Variants in MITD1 observed in about 807,000 individuals in gnomAD.
MITD1 encodes MIT domain-containing protein 1.
MITD1 carries 24 observed loss-of-function variants against 34.9 expected under a neutral mutation model. The ratio of observed to expected loss-of-function variants is 0.69; its 90% CI spans 0.50 to 0.97. The LOEUF (loss-of-function observed/expected upper bound fraction) is 0.97, where lower values mean the gene tolerates loss of function less well. Ranked by LOEUF, MITD1 falls within the 50% of genes least tolerant of loss-of-function variation. The pLI, the probability that MITD1 is intolerant of heterozygous loss-of-function variation, is 0.00. For missense variants in MITD1, 266 were observed against 294.6 expected, an observed-to-expected ratio of 0.90 and a Z score of 0.71; for synonymous variants, 102 against 101.4, an observed-to-expected ratio of 1.01 and a Z score of -0.04.
chr2:99,173,297 C>T, intron 2 of MITD1: 1 of 317,890 alleles, frequency 3.1e-6, no homozygotes, highest in Non-Finnish European at 6.7e-6. Context: ...GCAGCAGTAC[C>T]TTTGGCTATA....
At chr2:99,164,317 C>T (rs1366413042), downstream of MITD1, among the ~76,000 whole-genome samples, 2 of 151,908 alleles carry the variant, frequency 1.3e-5, no homozygotes, top group Non-Finnish European at 2.9e-5. Flanking sequence ...CCCCTCCTCC[C>T]CTCTCCACTC....
At chr2:99,174,826 A>C (rs1204306899) in intron 1 of MITD1, among the ~76,000 whole-genome samples, 1 of 151,928 alleles carries the variant, frequency 6.6e-6, no homozygotes, top group African/African-American at 2.4e-5. Context: ...CCTGACCTCA[A>C]GTGATCCTCC....
downstream of MITD1, among the ~76,000 whole-genome samples, chr2:99,166,858 A>AATATATATATATATATATATATATAT: frequency 8.7e-6 from 1 of 115,402 alleles, no homozygotes; most frequent in Non-Finnish European, 1.8e-5. Flanking sequence ...TGGGGTTTTA[A>AATATATATATATATATATATATATAT]ATATATATAT....
intron 3 of MITD1, 36 bp downstream of exon 3, chr2:99,171,474 T>TATA: frequency 6.3e-7 from 1 of 1,595,982 alleles, no homozygotes; most frequent in Non-Finnish European, 8.6e-7. Flanking sequence ...GTACATTGAA[T>TATA]ATGATATTTC....
intron 2 of MITD1, chr2:99,173,553 A>G (rs1261934630): frequency 4.3e-6 from 2 of 464,480 alleles, no homozygotes; most frequent in East Asian, 1.3e-4. Flanking sequence ...AAAATACACA[A>G]TTTACATTCA....
intron 1 of MITD1, among the ~76,000 whole-genome samples, chr2:99,179,106 G>C (rs2093901455): frequency 6.6e-6 from 1 of 152,108 alleles, no homozygotes. Context: ...CCCTGTATTA[G>C]CGCTATTTGC....
chr2:99,177,978 C>T (rs906964142), intron 1 of MITD1, among the ~76,000 whole-genome samples: 5 of 152,172 alleles, frequency 3.3e-5, no homozygotes, highest in African/African-American at 9.7e-5. Flanking sequence ...GCTTATTTCA[C>T]TTAACAATTT....
chr2:99,163,012 G>C (rs2093809352), intron 7 of MITD1: 1 of 1,607,638 alleles, frequency 6.2e-7, no homozygotes, highest in African/African-American at 1.3e-5. Flanking sequence ...CTTAGAACAT[G>C]TCCACAAGAC....
Position 99,162,492 on chromosome 2 carries a change from A to G in MITD1, c.*4-274T>C, listed in dbSNP as rs786205156. 1.2e-6 allele frequency: 2 copies of G among 1,614,106 alleles called. No individual in the cohort carries two copies. Among genetic ancestry groups the G allele is most frequent in the South Asian group, 1.1e-5 (1 of 91,086 alleles). ...CCGGACTACTGCCTATCACCATTGC[A>G]CTTTATTATGTAGTACTGATGGGAC... is the stretch of plus-strand genomic sequence containing the variant. On this transcript the variant is annotated intron_variant, in intron 7 of 7. Transcript: ENST00000422537.
At chr2:99,164,941 C>G (rs1559173811), downstream of MITD1, among the ~76,000 whole-genome samples, 1 of 151,524 alleles carries the variant, frequency 6.6e-6, no homozygotes, top group Non-Finnish European at 1.5e-5. Context: ...CATATGGACT[C>G]AAGGTATGTT....
At chr2:99,166,858 A>AATATATATATATATATAT (rs10584187), downstream of MITD1, among the ~76,000 whole-genome samples, 226 of 115,326 alleles carry the variant, frequency 2.0e-3, 4 homozygotes, top group Non-Finnish European at 3.0e-3. Flanking sequence ...TGGGGTTTTA[A>AATATATATATATATATAT]ATATATATAT....
At chr2:99,177,461 G>A (rs1260755157) in intron 1 of MITD1, among the ~76,000 whole-genome samples, 1 of 152,010 alleles carries the variant, frequency 6.6e-6, no homozygotes, top group East Asian at 1.9e-4. Flanking sequence ...TATTAATGGG[G>A]TACAATGTGA....
downstream of MITD1, among the ~76,000 whole-genome samples, chr2:99,165,071 T>TAG (rs1553515887): frequency 6.8e-6 from 1 of 147,632 alleles, no homozygotes; most frequent in African/African-American, 2.6e-5. Context: ...CATATATATA[T>TAG]AGTCTTATTT....
intron 7 of MITD1, chr2:99,162,750 G>A (rs1231434448): frequency 1.2e-6 from 2 of 1,614,070 alleles, no homozygotes; most frequent in Admixed American, 3.3e-5. Flanking sequence ...CAAAGCCAAA[G>A]AACTGCAAAC....
downstream of MITD1, chr2:99,161,945 C>A: frequency 6.4e-7 from 1 of 1,555,194 alleles, no homozygotes; most frequent in Non-Finnish European, 8.7e-7. Flanking sequence ...GTTTGTCTTC[C>A]ATTTTTAAAA....
At chr2:99,167,763 G>A (rs540792959), downstream of MITD1, among the ~76,000 whole-genome samples, 65 of 152,252 alleles carry the variant, frequency 4.3e-4, no homozygotes, top group Non-Finnish European at 7.9e-4. Flanking sequence ...GTGTTTTCCT[G>A]AGACCCTGAA....
chr2:99,162,226 G>C (rs1189808577), intron 7 of MITD1: 4 of 1,613,968 alleles, frequency 2.5e-6, no homozygotes, highest in Non-Finnish European at 1.7e-6. Context: ...AATCTAATGA[G>C]AGAAGAAGGT....
At chr2:99,163,925 C>T (rs2093814593) in intron 7 of MITD1, among the ~76,000 whole-genome samples, 1 of 152,102 alleles carries the variant, frequency 6.6e-6, no homozygotes, top group Non-Finnish European at 1.5e-5. Flanking sequence ...TCCCTTCTAT[C>T]CCAGCCTGAA....
chr2:99,162,448 G>C, intron 7 of MITD1: 1 of 1,613,962 alleles, frequency 6.2e-7, no homozygotes, highest in Non-Finnish European at 8.5e-7. Context: ...AAAATCTCAG[G>C]AACAGCTTCT....
Sources: gnomAD v4.1 joint callset for allele counts (sites outside exome capture counted in the v4.1 genomes callset) on GRCh38, gnomAD v4.1.1 for gene constraint, MANE v1.5 for transcripts, NCBI Gene and HGNC (gene_info 2026-07-23, HGNC 2026-07-21) for gene names.